Variants in RUNX3 observed in about 807,000 individuals in gnomAD.
RUNX3 encodes the protein runt-related transcription factor 3.
Under a neutral mutation model 27.7 loss-of-function variants are expected in RUNX3, and 10 were observed. The observed-to-expected ratio is 0.36, with a 90% CI of 0.22 to 0.61. RUNX3 has a LOEUF of 0.61. Among genes scored for constraint, RUNX3 ranks in the 20% least tolerant of loss-of-function variants. The probability of loss-of-function intolerance (pLI) is 0.72; values close to 1 mark genes in which losing one functional copy is unlikely to be tolerated. For missense variants in RUNX3, 469 were observed against 629.5 expected, an observed-to-expected ratio of 0.75 and a Z score of 2.73; for synonymous variants, 270 against 269.2, an observed-to-expected ratio of 1.00 and a Z score of -0.03.
At chr1:24,917,433 C>T (rs1002903324) in intron 3 of RUNX3, among the ~76,000 whole-genome samples, 2 of 152,266 alleles carry the variant, frequency 1.3e-5, no homozygotes, top group East Asian at 3.9e-4. Context: ...CGACAAAACG[C>T]TGCGGACCCA....
chr1:24,931,415 A>T (rs567331728), upstream of RUNX3, among the ~76,000 whole-genome samples: 1 of 152,074 alleles, frequency 6.6e-6, no homozygotes. Context: ...CCCGCCTCCT[A>T]AGTCTGTCGA....
Position 24,923,265 on chromosome 1 carries a change from G to A in RUNX3, c.440-3921C>T, listed in dbSNP as rs1356808045. Among the ~76,000 whole-genome samples, 1 of 152,146 alleles carries A rather than the reference G, an allele frequency of 6.6e-6. No individual in the cohort carries two copies. Among genetic ancestry groups the A allele is most frequent in the Non-Finnish European group, 1.5e-5 (1 of 68,018 alleles). ...GGCCTAAGAGGAGGAGTGAGAGGGAGGGGCAGGAGTCCTGGACCTCGGGAG... is the reference window on the plus strand; with the variant it reads ...GGCCTAAGAGGAGGAGTGAGAGGGAAGGGCAGGAGTCCTGGACCTCGGGAG... On this transcript the variant is annotated intron_variant, in intron 2 of 4. Transcript: ENST00000308873. The surrounding 1 kb of genome is among the most constrained non-coding windows in gnomAD (Gnocchi z 5.9).
rs143287086 is a variant in RUNX3, at chr1:24,919,481, A to G, written c.440-137T>C. 5.8e-3 allele frequency: 3,362 copies of G among 575,834 alleles called. 63 individuals carry two copies. Among genetic ancestry groups the G allele is most frequent in the East Asian group, 7.8e-3 (231 of 29,792 alleles). The allele number at this position is 575,834 out of a possible 1,614,324, so 35.7% of individuals were successfully genotyped here. On this transcript the variant is annotated intron_variant, in intron 2 of 4. Transcript: ENST00000308873. ...TCTGTCCTCTTTGAACATGGGCAGA[A>G]GATAGGGCTCTGGGTGAAGTTCAAG...
rs1196527942 is a variant in RUNX3 at position 24,943,747 on chromosome 1, C to T, written c.59-13895G>A. 1.3e-5 allele frequency among the ~76,000 whole-genome samples: 2 copies of T among 152,210 alleles called. No individual in the cohort carries two copies. Among genetic ancestry groups the T allele is most frequent in the East Asian group, 3.9e-4 (2 of 5,186 alleles). On this transcript the variant is annotated intron_variant, in intron 2 of 6. Transcript: ENST00000338888. This position sits in a 1 kb window ranked among gnomAD's most constrained non-coding sequence, Gnocchi z 4.6. ...GTCATCGTGGGACCTCCGCTGGTCC[C>T]TGAATGTCAGGCCCCCTGAGGGCAG...
chr1:24,914,948 CCTT>C (rs745311610), intron 3 of RUNX3, among the ~76,000 whole-genome samples: 7 of 152,198 alleles, frequency 4.6e-5, no homozygotes, highest in African/African-American at 7.2e-5. Flanking sequence ...ACGCTCCACT[CCTT>C]CTCCCAGCTT....
intron 4 of RUNX3, among the ~76,000 whole-genome samples, chr1:24,903,040 C>G (rs1266569589): frequency 2.0e-5 from 3 of 152,210 alleles, no homozygotes; most frequent in Non-Finnish European, 4.4e-5. Context: ...GCAGCCCTGC[C>G]CAGGCAGGTT....
upstream of RUNX3, among the ~76,000 whole-genome samples, chr1:24,931,323 G>A (rs978067175): frequency 2.6e-5 from 4 of 152,120 alleles, no homozygotes; most frequent in Non-Finnish European, 4.4e-5. Flanking sequence ...CTGCCTGCCC[G>A]CCCGGCTCCG....
At chr1:24,957,565 C>T (rs981310756) in intron 2 of RUNX3, among the ~76,000 whole-genome samples, 2 of 152,200 alleles carry the variant, frequency 1.3e-5, no homozygotes, top group East Asian at 1.9e-4. Flanking sequence ...CCCAAGGGGG[C>T]GGCCATGAAG....
intron 3 of RUNX3, among the ~76,000 whole-genome samples, chr1:24,908,654 G>C (rs992078646): frequency 6.6e-6 from 1 of 152,090 alleles, no homozygotes; most frequent in African/African-American, 2.4e-5. Context: ...ACGGAACAAG[G>C]ACCCTAGATC....
At position 24,902,723 on chromosome 1, in the gene RUNX3, C is replaced by T; in HGVS notation, c.704-57G>A. 4 of 1,419,128 alleles carry T rather than the reference C, an allele frequency of 2.8e-6. No homozygotes were observed. The highest frequency in any genetic ancestry group is 4.8e-5 in the Admixed American group (2 of 41,800). 87.9% of individuals were successfully genotyped at this position (1,419,128 alleles called of 1,614,324 possible). A position where few individuals can be genotyped will look rare whatever the true frequency, so the allele number is the denominator to read the frequency against. ...GCTCGAGACAACCCCAGGAGGGCTT[C>T]CTGAAGAATGACCTTGGGCTCTGGT... is the stretch of plus-strand genomic sequence containing the variant. On this transcript the variant is annotated intron_variant, in intron 4 of 4. Transcript: ENST00000308873. The surrounding 1 kb of genome is among the most constrained non-coding windows in gnomAD (Gnocchi z 9.2).
At position 24,901,976 on chromosome 1, in the gene RUNX3, G is replaced by A. The variant is rs1640561669; in HGVS notation, c.*146C>T. On this transcript the variant is annotated 3_prime_UTR_variant, in exon 5 of 5. Transcript: ENST00000308873. ...ATGTGGCTGCACAGATGCAGCCAGA[G>A]GCTCCCACCAGCTGGGACCACCCTG... is the stretch of plus-strand genomic sequence containing the variant. 2.8e-6 allele frequency: 2 copies of A among 719,992 alleles called. No individual in the cohort carries two copies. Among genetic ancestry groups the A allele is most frequent in the Non-Finnish European group, 4.5e-6 (2 of 447,670 alleles). 44.6% of individuals were successfully genotyped at this position (719,992 alleles called of 1,614,324 possible).
chr1:24,946,007 C>A (rs1641596736), intron 2 of RUNX3, among the ~76,000 whole-genome samples: 1 of 152,150 alleles, frequency 6.6e-6, no homozygotes, highest in Admixed American at 6.5e-5. Context: ...GGGCTTCAAA[C>A]TGAGTCTGGC....
chr1:24,964,502 A>G (rs769115052), intron 2 of RUNX3: 2 of 1,603,208 alleles, frequency 1.2e-6, no homozygotes, highest in Non-Finnish European at 8.5e-7. Flanking sequence ...GCCCTGGGCT[A>G]TTGTTACTCA....
intron 3 of RUNX3, 94 bp downstream of exon 3, chr1:24,919,146 G>T: frequency 1.4e-6 from 1 of 731,078 alleles, no homozygotes; most frequent in Non-Finnish European, 2.2e-6. Flanking sequence ...GCAACCCCCC[G>T]AGGAGGGCTC....
intron 1 of RUNX3, chr1:24,929,062 C>T (rs764941047): frequency 1.5e-5 from 7 of 457,544 alleles, no homozygotes; most frequent in South Asian, 9.3e-5. Context: ...ATAATATCCC[C>T]GAGCAAACGT....
chr1:24,948,334 GT>G (rs2124354036), intron 2 of RUNX3, among the ~76,000 whole-genome samples: 1 of 152,342 alleles, frequency 6.6e-6, no homozygotes, highest in African/African-American at 2.4e-5. Context: ...TGTGAAGTGT[GT>G]GTATGCTTGT....
intron 3 of RUNX3, among the ~76,000 whole-genome samples, chr1:24,913,542 C>T (rs1640833727): frequency 6.6e-6 from 1 of 152,270 alleles, no homozygotes; most frequent in Non-Finnish European, 1.5e-5. Context: ...CCCATTCTGA[C>T]TTGGCCATCT....
At chr1:24,936,182 G>A (rs1219769899) in intron 2 of RUNX3, among the ~76,000 whole-genome samples, 3 of 152,234 alleles carry the variant, frequency 2.0e-5, no homozygotes, top group Non-Finnish European at 4.4e-5. Context: ...TGGCGGGCAG[G>A]GAGAGAAAGG....
At chr1:24,908,795 A>G (rs908794085) in intron 3 of RUNX3, among the ~76,000 whole-genome samples, 2 of 152,184 alleles carry the variant, frequency 1.3e-5, no homozygotes, top group Non-Finnish European at 2.9e-5. Flanking sequence ...ACTGTCTCCC[A>G]TGTCTACAAG....
Sources: allele counts gnomAD v4.1 joint callset (sites outside exome capture counted in the v4.1 genomes callset), GRCh38; gene constraint gnomAD v4.1.1; non-coding constraint Gnocchi (gnomAD v3.1); transcripts MANE v1.5; gene names NCBI Gene and HGNC (gene_info 2026-07-23, HGNC 2026-07-21).